PPARGC1A: variants seen among roughly 807,000 people sequenced by gnomAD.
PPARGC1A encodes PPARG coactivator 1 alpha, also known as peroxisome proliferator-activated receptor gamma coactivator 1-alpha.
PPARGC1A carries 25 observed loss-of-function variants against 88.7 expected under a neutral mutation model. That is an observed-to-expected ratio of 0.28 (90% CI 0.21 to 0.39). The LOEUF (loss-of-function observed/expected upper bound fraction) is 0.39, where lower values mean the gene tolerates loss of function less well. PPARGC1A is among the 10% of genes least tolerant of loss of function. PPARGC1A has a pLI of 1.00. For synonymous variants in PPARGC1A, 363 were observed against 355.6 expected, an observed-to-expected ratio of 1.02 and a Z score of -0.24; for missense variants, 880 against 968.7, an observed-to-expected ratio of 0.91 and a Z score of 1.22.
At chr4:24,171,826 AAC>A in the PPARGC1A span, among the ~76,000 whole-genome samples, 2 of 152,224 alleles carry the variant, frequency 1.3e-5, no homozygotes, top group Non-Finnish European at 2.9e-5. Flanking sequence ...TGTTGTGGAA[AAC>A]ACAGTCACCT....
the PPARGC1A span, among the ~76,000 whole-genome samples, chr4:23,976,987 G>T: frequency 6.6e-6 from 1 of 151,980 alleles, no homozygotes. Context: ...GAAGGAGGAG[G>T]AAGAGGGAGA....
At chr4:24,321,009 C>T in the PPARGC1A span, among the ~76,000 whole-genome samples, 1 of 152,066 alleles carries the variant, frequency 6.6e-6, no homozygotes, top group Admixed American at 6.5e-5. Context: ...CACCGAGTCC[C>T]AGCTGCACTA....
At chr4:24,469,128 CAG>C in the PPARGC1A span, among the ~76,000 whole-genome samples, 1 of 152,234 alleles carries the variant, frequency 6.6e-6, no homozygotes, top group Non-Finnish European at 1.5e-5. Flanking sequence ...TGGCAGCAAT[CAG>C]GGTAAAATCA....
At chr4:24,215,053 G>A in the PPARGC1A span, among the ~76,000 whole-genome samples, 1 of 152,122 alleles carries the variant, frequency 6.6e-6, no homozygotes, top group African/African-American at 2.4e-5. Context: ...ATTGAACAGA[G>A]CCCTAAGTGC....
chr4:24,153,371 C>A, the PPARGC1A span, among the ~76,000 whole-genome samples: 1 of 151,700 alleles, frequency 6.6e-6, no homozygotes, highest in African/African-American at 2.4e-5. Flanking sequence ...AAAAAATCAA[C>A]CACCTCCCTT....
chr4:24,089,335 C>G, the PPARGC1A span, among the ~76,000 whole-genome samples: 1 of 152,002 alleles, frequency 6.6e-6, no homozygotes, highest in Admixed American at 6.5e-5. Context: ...CCTAGCGATA[C>G]AAATGAATGG....
At chr4:23,837,389 GAAA>G (rs5856796) in intron 2 of PPARGC1A, among the ~76,000 whole-genome samples, 73 of 144,180 alleles carry the variant, frequency 5.1e-4, no homozygotes, top group East Asian at 3.0e-3. Flanking sequence ...ATGATTAATA[GAAA>G]AAAAAAAAAA....
At chr4:24,336,229 G>A in the PPARGC1A span, among the ~76,000 whole-genome samples, 1 of 152,114 alleles carries the variant, frequency 6.6e-6, no homozygotes, top group Non-Finnish European at 1.5e-5. Flanking sequence ...CTCCCTGTTG[G>A]CAAGTGCTTT....
the PPARGC1A span, among the ~76,000 whole-genome samples, chr4:23,986,722 C>T: frequency 1.3e-5 from 2 of 152,034 alleles, no homozygotes; most frequent in African/African-American, 4.8e-5. Flanking sequence ...ACACAGTTCA[C>T]TATCCAGCAA....
the PPARGC1A span, among the ~76,000 whole-genome samples, chr4:23,990,891 C>T: frequency 1.3e-5 from 2 of 152,132 alleles, no homozygotes; most frequent in East Asian, 3.9e-4. Context: ...CCCTCTGATA[C>T]AGAAATTCAC....
At chr4:24,337,250 AG>A in the PPARGC1A span, among the ~76,000 whole-genome samples, 1 of 152,196 alleles carries the variant, frequency 6.6e-6, no homozygotes, top group Non-Finnish European at 1.5e-5. Flanking sequence ...CCACCTGTGG[AG>A]GGTCACCAGC....
the PPARGC1A span, among the ~76,000 whole-genome samples, chr4:23,965,530 C>G: frequency 2.0e-5 from 3 of 152,170 alleles, no homozygotes; most frequent in African/African-American, 7.2e-5. Context: ...TACAGACTTT[C>G]AACATCTGTA....
At chr4:24,132,176 T>C in the PPARGC1A span, among the ~76,000 whole-genome samples, 8 of 152,136 alleles carry the variant, frequency 5.3e-5, no homozygotes, top group Non-Finnish European at 1.0e-4. Flanking sequence ...GGCAGAGACA[T>C]GAAACCTTAG....
At chr4:24,284,947 G>T in the PPARGC1A span, among the ~76,000 whole-genome samples, 3 of 152,074 alleles carry the variant, frequency 2.0e-5, no homozygotes, top group Non-Finnish European at 4.4e-5. Flanking sequence ...GGAATCGTTT[G>T]AACCCAGGAG....
At chr4:24,297,729 C>T in the PPARGC1A span, among the ~76,000 whole-genome samples, 2 of 152,268 alleles carry the variant, frequency 1.3e-5, no homozygotes, top group Middle Eastern at 6.8e-3. Flanking sequence ...GAGAATCCCA[C>T]TGTACACCAG....
chr4:24,373,097 G>A, the PPARGC1A span, among the ~76,000 whole-genome samples: 1 of 152,144 alleles, frequency 6.6e-6, no homozygotes, highest in African/African-American at 2.4e-5. Context: ...GAAGGGAGAA[G>A]CTACAAGTGT....
chr4:23,894,396 A>G (rs1718271289), upstream of PPARGC1A, among the ~76,000 whole-genome samples: 1 of 152,174 alleles, frequency 6.6e-6, no homozygotes, highest in Non-Finnish European at 1.5e-5. Flanking sequence ...AAAAGTTGGT[A>G]GCAGGATAGG....
intron 7 of PPARGC1A, among the ~76,000 whole-genome samples, chr4:23,822,363 T>C (rs1029545883): frequency 6.6e-6 from 1 of 152,092 alleles, no homozygotes; most frequent in Admixed American, 6.6e-5. Context: ...CCAAGTCAGG[T>C]TAGCCTATGG....
chr4:24,113,603 G>T, the PPARGC1A span, among the ~76,000 whole-genome samples: 1 of 152,114 alleles, frequency 6.6e-6, no homozygotes, highest in Admixed American at 6.6e-5. Flanking sequence ...AGGGAAAGAA[G>T]GGTTCCAGTG....
Sources: gnomAD v4.1 joint callset for allele counts (sites outside exome capture counted in the v4.1 genomes callset) on GRCh38, gnomAD v4.1.1 for gene constraint, MANE v1.5 for transcripts, NCBI Gene and HGNC (gene_info 2026-07-23, HGNC 2026-07-21) for gene names.